Variants in LTBP1 observed in about 807,000 individuals in gnomAD.
LTBP1 encodes latent transforming growth factor beta binding protein 1.
A neutral mutation model predicts 207.6 loss-of-function variants in LTBP1; 129 were observed. The ratio of observed to expected loss-of-function variants is 0.62; its 90% confidence interval spans 0.54 to 0.72. The LOEUF (loss-of-function observed/expected upper bound fraction) is 0.72, where lower values mean the gene tolerates loss of function less well. Among genes scored for constraint, LTBP1 ranks in the 30% least tolerant of loss-of-function variants. LTBP1 has a pLI of 0.00. For missense variants in LTBP1, 2,281 were observed against 2,217.2 expected (o/e 1.03, Z -0.58); for synonymous variants, 963 against 833.7 (o/e 1.16, Z -2.67).
At chr2:32,969,183 C>A (rs1462912246) in intron 2 of LTBP1, among the ~76,000 whole-genome samples, 1 of 150,992 alleles carries the variant, frequency 6.6e-6, no homozygotes, top group Non-Finnish European at 1.5e-5. Flanking sequence ...GCATCGGCCT[C>A]CCAAAGTGCT....
chr2:33,335,989 C>T (rs2094549793), intron 24 of LTBP1, among the ~76,000 whole-genome samples: 1 of 152,292 alleles, frequency 6.6e-6, no homozygotes, highest in African/African-American at 2.4e-5. Flanking sequence ...CTGGGACCTC[C>T]TGAGACTTGC....
intron 26 of LTBP1, among the ~76,000 whole-genome samples, chr2:33,356,942 C>T (rs2094869710): frequency 6.6e-6 from 1 of 152,156 alleles, no homozygotes; most frequent in Non-Finnish European, 1.5e-5. Flanking sequence ...ACTATTTACT[C>T]ATGTGTATTA....
intron 1 of LTBP1, among the ~76,000 whole-genome samples, chr2:32,948,188 A>G (rs1433296217): frequency 6.6e-6 from 1 of 152,180 alleles, no homozygotes; most frequent in Non-Finnish European, 1.5e-5. Flanking sequence ...ACTGAGTTTT[A>G]ATTTTGGTCT....
At chr2:33,028,033 A>T (rs1460876691) in intron 3 of LTBP1, among the ~76,000 whole-genome samples, 1 of 152,062 alleles carries the variant, frequency 6.6e-6, no homozygotes, top group African/African-American at 2.4e-5. Flanking sequence ...TGGTGAGGTG[A>T]GGTAGTGTGT....
At chr2:33,314,367 T>C (rs2094233732) in intron 23 of LTBP1, among the ~76,000 whole-genome samples, 2 of 151,980 alleles carry the variant, frequency 1.3e-5, no homozygotes. Context: ...CTGGGCATCA[T>C]AGTGAGACCC....
chr2:33,167,722 T>C (rs949910135), intron 5 of LTBP1, among the ~76,000 whole-genome samples: 1 of 152,130 alleles, frequency 6.6e-6, no homozygotes, highest in African/African-American at 2.4e-5. Context: ...CAACCGTGTA[T>C]GGAGGAATGT....
chr2:33,333,310 C>A, intron 24 of LTBP1, among the ~76,000 whole-genome samples: 1 of 151,094 alleles, frequency 6.6e-6, no homozygotes, highest in Non-Finnish European at 1.5e-5. Flanking sequence ...TGATTTAATT[C>A]AGTAATTTAT....
chr2:33,365,563 C>T, intron 31 of LTBP1, 60 bp downstream of exon 31: 2 of 1,514,220 alleles, frequency 1.3e-6, no homozygotes, highest in Non-Finnish European at 1.8e-6. Context: ...ATCTCACCTC[C>T]TTTGTAGCCT....
rs574561661 is a variant in LTBP1 at position 33,143,676 on chromosome 2, T to C, written c.1201+8716T>C. On this transcript the variant is annotated intron_variant, in intron 5 of 33. Coordinates refer to ENST00000404816, the MANE Select transcript of LTBP1 (RefSeq NM_206943.4). Reference sequence around the variant, plus strand: ...TCCATACCTTTAGTACAGCTGTTCCTGCTGCACAGAATTCCTGCTCCCGCT... The same window carrying C: ...TCCATACCTTTAGTACAGCTGTTCCCGCTGCACAGAATTCCTGCTCCCGCT... Among the ~76,000 whole-genome samples, 24 of 152,328 alleles carry C rather than the reference T, an allele frequency of 1.6e-4. No homozygotes were observed. The South Asian group carries it at 5.0e-3, about 32-fold the overall frequency.
chr2:33,355,171 G>A (rs925801720), intron 26 of LTBP1, among the ~76,000 whole-genome samples: 4 of 151,944 alleles, frequency 2.6e-5, no homozygotes, highest in African/African-American at 9.7e-5. Flanking sequence ...TGTCAGGAAT[G>A]TTATGGGTTT....
intron 4 of LTBP1, among the ~76,000 whole-genome samples, chr2:33,112,258 T>C (rs1445393416): frequency 6.6e-6 from 1 of 152,190 alleles, no homozygotes; most frequent in Non-Finnish European, 1.5e-5. Flanking sequence ...TGTGATTTGT[T>C]ATTGGAATGA....
chr2:33,189,878 T>C (rs2087653195), intron 7 of LTBP1, among the ~76,000 whole-genome samples: 1 of 151,758 alleles, frequency 6.6e-6, no homozygotes, highest in South Asian at 2.1e-4. Flanking sequence ...ATACAAAAAA[T>C]TAGCCCGGCG....
In LTBP1 at chr2:33,049,022, A is replaced by G. The variant is rs191199807; in HGVS notation, c.863+27816A>G. 8.5e-5 allele frequency among the ~76,000 whole-genome samples: 13 copies of G among 152,356 alleles called. 1 individual carries two copies. In the East Asian group the frequency reaches 2.5e-3, roughly 29 times the overall value. On this transcript the variant is annotated intron_variant, in intron 3 of 33. Coordinates refer to ENST00000404816, the MANE Select transcript of LTBP1 (RefSeq NM_206943.4). The stretch of plus-strand genomic sequence containing the variant: ...TACTCATAATCTGTCCTTTCAAAGT[A>G]GAGGTGATACATTAACAATGAATAA...
chr2:33,058,019 C>T (rs544246600), intron 3 of LTBP1, among the ~76,000 whole-genome samples: 29 of 152,242 alleles, frequency 1.9e-4, no homozygotes, highest in Non-Finnish European at 4.0e-4. Flanking sequence ...ATCCTCTGTG[C>T]TCTACCTCAT....
chr2:33,177,855 T>C (rs2086215690), intron 5 of LTBP1, among the ~76,000 whole-genome samples: 1 of 152,202 alleles, frequency 6.6e-6, no homozygotes, highest in African/African-American at 2.4e-5. Flanking sequence ...TAAACTGTAG[T>C]GGTTAAACTG....
chr2:33,012,758 T>C (rs1302903057), intron 2 of LTBP1, among the ~76,000 whole-genome samples: 2 of 152,212 alleles, frequency 1.3e-5, no homozygotes, highest in Admixed American at 6.5e-5. Context: ...TTGTCTTCCT[T>C]TGAATGAACT....
intron 24 of LTBP1, among the ~76,000 whole-genome samples, chr2:33,326,006 G>C (rs2094421673): frequency 6.6e-6 from 1 of 151,654 alleles, no homozygotes; most frequent in South Asian, 2.1e-4. Context: ...TTTAAATTTA[G>C]AAATATACTT....
At position 33,110,685 on chromosome 2, in the gene LTBP1, G is replaced by A. The variant is rs1332355609; in HGVS notation, c.967G>A (p.Glu323Lys). The A allele has an allele frequency of 1.9e-6, 3 of 1,614,210 alleles. No homozygotes were observed. The highest frequency in any genetic ancestry group is 2.5e-6 in the Non-Finnish European group (3 of 1,180,032). ...TCCAGCCCAGAAGGGGATTTCAGGA[G>A]AGCAGTCCACTGAAGGTTCTTTCCC... Reference protein sequence around the residue: ...YFPAQKGISGEQSTEGSFPLR... With the variant: ...YFPAQKGISGKQSTEGSFPLR... Residue 323 changes from glutamate (E) to lysine (K), a missense_variant, in exon 4 of 34, where the codon GAG (glutamate) becomes AAG (lysine). Coordinates refer to ENST00000404816, the MANE Select transcript of LTBP1 (RefSeq NM_206943.4).
intron 3 of LTBP1, among the ~76,000 whole-genome samples, chr2:33,072,150 C>G (rs1343879746): frequency 6.6e-6 from 1 of 152,156 alleles, no homozygotes; most frequent in Non-Finnish European, 1.5e-5. Context: ...GCTAGAGCGG[C>G]TCACAGAACT....
Sources: allele counts gnomAD v4.1 joint callset (sites outside exome capture counted in the v4.1 genomes callset), GRCh38; gene constraint gnomAD v4.1.1; transcripts MANE v1.5; gene names NCBI Gene and HGNC (gene_info 2026-07-23, HGNC 2026-07-21).